NBN: variants seen among roughly 807,000 people sequenced by gnomAD.
NBN encodes the protein nibrin.
In NBN, 88 loss-of-function variants were observed where a neutral mutation model predicts 90.8. The ratio of observed to expected loss-of-function variants is 0.97; its 90% confidence interval spans 0.82 to 1.16. The LOEUF is 1.16. Among genes scored for constraint, NBN ranks in the 50% most tolerant of loss-of-function variants. NBN has a pLI of 0.00. For missense variants in NBN, 894 were observed against 869.6 expected, an observed-to-expected ratio of 1.03 and a Z score of -0.35; for synonymous variants, 328 against 295.1, an observed-to-expected ratio of 1.11 and a Z score of -1.14.
chr8:89,967,487 A>G (rs1198266973), intron 7 of NBN, among the ~76,000 whole-genome samples: 1 of 152,222 alleles, frequency 6.6e-6, no homozygotes, highest in African/African-American at 2.4e-5. Flanking sequence ...ATTGGTGAAC[A>G]AAATAAATGT....
intron 7 of NBN, among the ~76,000 whole-genome samples, chr8:89,969,210 C>T (rs974869830): frequency 6.6e-6 from 1 of 152,196 alleles, no homozygotes; most frequent in Non-Finnish European, 1.5e-5. Flanking sequence ...TACTTACTGG[C>T]TTCAACAATG....
intron 5 of NBN, among the ~76,000 whole-genome samples, chr8:89,975,977 C>T (rs947898589): frequency 6.6e-6 from 1 of 152,086 alleles, no homozygotes; most frequent in East Asian, 1.9e-4. Flanking sequence ...GTAGTTATGT[C>T]GGTGAAGTTT....
intron 1 of NBN, 127 bp downstream of exon 1, chr8:89,984,398 G>A (rs1303731031): frequency 1.1e-6 from 1 of 887,876 alleles, no homozygotes; most frequent in South Asian, 1.4e-5. Context: ...CGTACTCGCC[G>A]CTTCTGCGAC....
rs786201394 is a variant in NBN at position 89,984,544 on chromosome 8, G to A, written c.18C>T (p.Pro6=). Residue 6 remains proline (P), a synonymous_variant, in exon 1 of 16, where the codon CCC becomes CCT. Coordinates refer to ENST00000265433, the MANE Select transcript of NBN (RefSeq NM_002485.5). ...CCTTACCTCCTGCCGGGCCCGCGGC[G>A]GGCAGCAGTTTCCACATCGGTCCGG... MWKLL[P]AAGPAGGEPY... 6.2e-7 allele frequency: 1 copy of A among 1,613,200 alleles called. No homozygotes were observed. Among genetic ancestry groups the A allele is most frequent in the Non-Finnish European group, 8.5e-7 (1 of 1,179,786 alleles).
chr8:89,964,550 T>C (rs1586076410), intron 7 of NBN, 43 bp from the exon 8 acceptor site: 1 of 1,523,406 alleles, frequency 6.6e-7, no homozygotes, highest in Non-Finnish European at 9.1e-7. Flanking sequence ...ATATTAAAAC[T>C]AGCAACTTTT....
chr8:89,984,106 A>C, intron 1 of NBN: 1 of 234,000 alleles, frequency 4.3e-6, no homozygotes, highest in Non-Finnish European at 8.5e-6. Context: ...TCATTTCCCC[A>C]AACTGTCCAG....
At position 89,953,674 on chromosome 8, in the gene NBN, T is replaced by C. The variant is rs750711786; in HGVS notation, c.1415A>G (p.Asn472Ser). The change falls in exon 11 of 16, where the codon AAT becomes AGT. Residue 472 changes from asparagine to serine, a missense_variant. Transcript: ENST00000265433. ...TGATTTGCATGAAGACATTTCTTGATTTTCTTCATCCCTTTCCCTTAGATT... is the reference window on the plus strand; with the variant it reads ...TGATTTGCATGAAGACATTTCTTGACTTTCTTCATCCCTTTCCCTTAGATT... ...STKKRERDEE[N>S]QEMSSCKSAR... is the part of the protein sequence containing the mutation. 2.0e-5 allele frequency: 32 copies of C among 1,611,006 alleles called. No individual in the cohort carries two copies. The highest frequency in any genetic ancestry group is 2.6e-5 in the Non-Finnish European group (31 of 1,179,016).
intron 3 of NBN, 88 bp downstream of exon 3, chr8:89,981,287 T>A (rs1337382790): frequency 7.1e-7 from 1 of 1,406,796 alleles, no homozygotes; most frequent in Non-Finnish European, 1.0e-6. Flanking sequence ...TATACTGTTT[T>A]AAATTCATTA....
chr8:89,961,642 G>A (rs1810995227), intron 8 of NBN, among the ~76,000 whole-genome samples: 2 of 152,164 alleles, frequency 1.3e-5, no homozygotes, highest in South Asian at 4.1e-4. Context: ...AAAAAATATG[G>A]CACACATATT....
chr8:89,947,501 T>C (rs975781343), intron 12 of NBN, among the ~76,000 whole-genome samples: 1 of 151,996 alleles, frequency 6.6e-6, no homozygotes, highest in African/African-American at 2.4e-5. Flanking sequence ...TGGTGGCACA[T>C]GCCTGTAGTC....
chr8:89,981,954 G>A (rs1470158825), intron 2 of NBN: 2 of 1,182,112 alleles, frequency 1.7e-6, no homozygotes, highest in Non-Finnish European at 1.1e-6. Context: ...CTGACTTACA[G>A]TAACAATTTT....
At chr8:89,958,694 T>C (rs750712143) in intron 9 of NBN, 31 bp downstream of exon 9, 3 of 1,603,256 alleles carry the variant, frequency 1.9e-6, no homozygotes, top group Non-Finnish European at 2.6e-6. Flanking sequence ...GATAGAATAA[T>C]AACAATAGTA....
At chr8:89,960,705 A>G (rs1266091069) in intron 8 of NBN, among the ~76,000 whole-genome samples, 1 of 152,180 alleles carries the variant, frequency 6.6e-6, no homozygotes, top group Admixed American at 6.5e-5. Context: ...TTGTTAACAG[A>G]TTACTTACAA....
Position 89,953,282 on chromosome 8 carries a change from A to C in NBN, c.1807T>G (p.Phe603Val), listed in dbSNP as rs112524180. 6.2e-7 allele frequency: 1 copy of C among 1,613,170 alleles called. No homozygotes were observed. The highest frequency in any genetic ancestry group is 8.5e-7 in the Non-Finnish European group (1 of 1,179,662). ...CTTTCTGGTACTGCTTCATCACTGA[A>C]AGTGTCATTTGTTTCTATATCCATC... ...PRMDIETNDTFSDEAVPESSK... is the reference protein window; with the variant it reads ...PRMDIETNDTVSDEAVPESSK... The change falls in exon 11 of 16, where the codon TTC becomes GTC. Residue 603 changes from phenylalanine to valine, a missense_variant. Transcript: ENST00000265433.
intron 7 of NBN, 24 bp downstream of exon 7, chr8:89,970,340 T>C: frequency 6.4e-7 from 1 of 1,571,454 alleles, no homozygotes; most frequent in Non-Finnish European, 8.7e-7. Flanking sequence ...TGCAGTTTTT[T>C]ACTAATAAAG....
At chr8:89,959,185 C>T (rs1254635925) in intron 8 of NBN, among the ~76,000 whole-genome samples, 4 of 152,076 alleles carry the variant, frequency 2.6e-5, no homozygotes, top group Admixed American at 2.6e-4. Context: ...ATTTATTCCC[C>T]CACAGAAAGT....
rs1057524568 is a variant in NBN, at chr8:89,984,608, G to T, written c.-47C>A. On this transcript the variant is annotated 5_prime_UTR_variant, in exon 1 of 16. Transcript: ENST00000265433. Reference sequence around the variant, plus strand: ...GGGCCGACGTGCAACCGCGTAACCGGGGCTGCTAGACGAGCGCGGATACGG... The same window carrying T: ...GGGCCGACGTGCAACCGCGTAACCGTGGCTGCTAGACGAGCGCGGATACGG... 1 of 1,608,892 alleles carries T rather than the reference G, an allele frequency of 6.2e-7. No individual in the cohort carries two copies. Among genetic ancestry groups the T allele is most frequent in the Non-Finnish European group, 8.5e-7 (1 of 1,178,004 alleles).
intron 14 of NBN, among the ~76,000 whole-genome samples, chr8:89,942,999 C>CT (rs1810017770): frequency 6.7e-6 from 1 of 148,432 alleles, no homozygotes. Context: ...TTATCTCCCC[C>CT]TTTTCATTAG....
chr8:89,975,896 T>A (rs1019106071), intron 5 of NBN, among the ~76,000 whole-genome samples: 8 of 152,270 alleles, frequency 5.3e-5, no homozygotes, highest in Non-Finnish European at 7.3e-5. Flanking sequence ...AAGATTTATG[T>A]ACTTCCTCAG....
Sources: gnomAD v4.1 joint callset for allele counts (sites outside exome capture counted in the v4.1 genomes callset) on GRCh38, gnomAD v4.1.1 for gene constraint, MANE v1.5 for transcripts, NCBI Gene and HGNC (gene_info 2026-07-23, HGNC 2026-07-21) for gene names.